Variants in SARDH observed in about 807,000 individuals in gnomAD.
SARDH encodes sarcosine dehydrogenase, mitochondrial.
A neutral mutation model predicts 109.1 loss-of-function variants in SARDH; 95 were observed. The observed-to-expected ratio is 0.87, with a 90% CI of 0.74 to 1.03. The LOEUF (loss-of-function observed/expected upper bound fraction) is 1.03, where lower values mean the gene tolerates loss of function less well. Among genes scored for constraint, SARDH ranks in the 50% least tolerant of loss-of-function variants. SARDH has a pLI of 0.00. For synonymous variants in SARDH, 572 were observed against 534.8 expected (o/e 1.07, Z -0.96); for missense variants, 1,267 against 1,287.8 (o/e 0.98, Z 0.25).
chr9:133,673,011 G>A (rs1325987535), intron 17 of SARDH, among the ~76,000 whole-genome samples: 2 of 152,230 alleles, frequency 1.3e-5, no homozygotes, highest in Admixed American at 6.5e-5. Flanking sequence ...CCCTTGCAAC[G>A]GTGGGAACAC....
downstream of SARDH, chr9:133,663,525 C>A (rs1260013098): frequency 2.0e-5 from 6 of 292,880 alleles, no homozygotes; most frequent in Non-Finnish European, 3.8e-5. Flanking sequence ...ATCAGTCAAG[C>A]CTGGAGTAAA....
chr9:133,702,608 G>A (rs539440974), intron 13 of SARDH, among the ~76,000 whole-genome samples: 9 of 152,322 alleles, frequency 5.9e-5, no homozygotes, highest in African/African-American at 2.2e-4. Flanking sequence ...GGGAGGCGGA[G>A]GCTCAGAGCG....
chr9:133,725,567 A>T, intron 6 of SARDH: 1 of 422,570 alleles, frequency 2.4e-6, no homozygotes, highest in Non-Finnish European at 4.8e-6. Flanking sequence ...TCCCAGCTAC[A>T]TGGGAGGCTG....
In SARDH at chr9:133,671,671, C is replaced by T. The variant is rs2519123; in HGVS notation, c.2190G>A (p.Val730=). 1.3e-6 allele frequency: 2 copies of T among 1,583,718 alleles called. No homozygotes were observed. The highest frequency in any genetic ancestry group is 1.1e-5 in the South Asian group (1 of 87,152). The stretch of plus-strand genomic sequence containing the variant: ...TGTGCAGCTCCCAGCCCAGCTCCCC[C>T]ACAAAGGACAGCCGCATGGCTCGGA... ...HLVRAMRLSF[V]GELGWELHIP... Residue 730 remains valine, a synonymous_variant, in exon 18 of 21, where the codon GTG becomes GTA. Transcript: ENST00000439388.
intron 19 of SARDH, among the ~76,000 whole-genome samples, chr9:133,669,486 G>A (rs552812086): frequency 2.0e-5 from 3 of 151,354 alleles, no homozygotes; most frequent in South Asian, 2.1e-4. Flanking sequence ...TCAGACCCCC[G>A]TGGGCACCAC....
Position 133,712,164 on chromosome 9 carries a change from A to G in SARDH, c.1328+455T>C, listed in dbSNP as rs1219026927. ...CCCTCCCCATCACCCTGCATTAGAG[A>G]CGAGGAAGTGGCTTGCACTGGGTCT... On this transcript the variant is annotated intron_variant, in intron 10 of 20. Transcript: ENST00000439388. This position sits in a 1 kb window ranked among gnomAD's most constrained non-coding sequence, Gnocchi z 4.1. 2.6e-5 allele frequency among the ~76,000 whole-genome samples: 4 copies of G among 152,136 alleles called. No homozygotes were observed. Among genetic ancestry groups the G allele is most frequent in the African/African-American group, 9.7e-5 (4 of 41,434 alleles).
At chr9:133,717,683 C>T (rs1832179735) in intron 7 of SARDH, among the ~76,000 whole-genome samples, 1 of 152,152 alleles carries the variant, frequency 6.6e-6, no homozygotes, top group Admixed American at 6.5e-5. Context: ...CCACCCACTC[C>T]CCTAGATCCC....
At chr9:133,708,713 T>C (rs1336445776) in intron 10 of SARDH, among the ~76,000 whole-genome samples, 2 of 152,062 alleles carry the variant, frequency 1.3e-5, no homozygotes, top group African/African-American at 2.4e-5. Flanking sequence ...CCAGCCTCGC[T>C]CTCCACACAT....
chr9:133,734,413 T>C (rs1431729374), intron 1 of SARDH, among the ~76,000 whole-genome samples: 1 of 50,592 alleles, frequency 2.0e-5, no homozygotes, highest in East Asian at 5.6e-4. Context: ...ATTCACTCAT[T>C]CATTCATTCA....
Position 133,736,288 on chromosome 9 carries a change from C to T in SARDH, c.-31+1966G>A, listed in dbSNP as rs138996167. 8.1e-3 allele frequency among the ~76,000 whole-genome samples: 1,241 copies of T among 152,372 alleles called. 15 individuals carry two copies. Among genetic ancestry groups the T allele is most frequent in the African/African-American group, 0.028 (1,147 of 41,584 alleles). The stretch of plus-strand genomic sequence containing the variant: ...CTCTCTCTCCCAGGGTGCATCCGCA[C>T]CTAACTTTCAAAATGTTCTTTTTCT... On this transcript the variant is annotated intron_variant, in intron 1 of 20. Transcript: ENST00000439388.
chr9:133,703,257 C>T (rs1831561035), intron 12 of SARDH: 2 of 552,378 alleles, frequency 3.6e-6, no homozygotes, highest in East Asian at 3.0e-5. Flanking sequence ...GTCTGAGAGC[C>T]CAGCCAGGGC....
intron 10 of SARDH, 124 bp from the exon 11 acceptor site, chr9:133,708,552 T>C: frequency 1.6e-6 from 2 of 1,280,208 alleles, no homozygotes; most frequent in Non-Finnish European, 1.1e-6. Context: ...TGGCTCAGCA[T>C]TGAGCGGGCC....
intron 15 of SARDH, among the ~76,000 whole-genome samples, chr9:133,690,828 C>T (rs1303336281): frequency 6.6e-6 from 1 of 152,198 alleles, no homozygotes; most frequent in Non-Finnish European, 1.5e-5. Context: ...TGGGAACACA[C>T]AGGCCTAGGC....
At chr9:133,734,384 T>C (rs1034029963) in intron 1 of SARDH, among the ~76,000 whole-genome samples, 181 bp from the exon 2 acceptor site, 116 of 147,130 alleles carry the variant, frequency 7.9e-4, no homozygotes, top group African/African-American at 3.1e-3. Context: ...CATTCACTCA[T>C]TCATTCATTC....
Position 133,709,766 on chromosome 9 carries a change from C to T in SARDH, c.1329-1338G>A, listed in dbSNP as rs1478461891. On this transcript the variant is annotated intron_variant, in intron 10 of 20. Transcript: ENST00000439388. This position sits in a 1 kb window ranked among gnomAD's most constrained non-coding sequence, Gnocchi z 4.2. ...CCCTCTCTCTTTGTCCCCAGAGCTGCCTTCTGCATGGGACCCAAGATTAAC... is the reference window on the plus strand; with the variant it reads ...CCCTCTCTCTTTGTCCCCAGAGCTGTCTTCTGCATGGGACCCAAGATTAAC... 6.6e-6 allele frequency among the ~76,000 whole-genome samples: 1 copy of T among 152,144 alleles called. No individual in the cohort carries two copies. Among genetic ancestry groups the T allele is most frequent in the Non-Finnish European group, 1.5e-5 (1 of 68,032 alleles).
intron 6 of SARDH, among the ~76,000 whole-genome samples, chr9:133,729,558 C>T (rs989647477): frequency 6.6e-6 from 1 of 152,188 alleles, no homozygotes; most frequent in Admixed American, 6.5e-5. Context: ...TCAGCCCCAA[C>T]AGGGATACGC....
chr9:133,691,615 G>A (rs1232556749), intron 15 of SARDH, among the ~76,000 whole-genome samples: 2 of 152,166 alleles, frequency 1.3e-5, no homozygotes, highest in African/African-American at 4.8e-5. Context: ...GATCAATAAA[G>A]ACCATTTAAA....
intron 15 of SARDH, among the ~76,000 whole-genome samples, chr9:133,691,206 A>ACACACACG (rs1554750443): frequency 2.8e-4 from 41 of 148,058 alleles, no homozygotes; most frequent in African/African-American, 1.0e-3. Context: ...ACACACACAC[A>ACACACACG]CACACACACG....
chr9:133,667,487 C>T (rs80350133), intron 19 of SARDH, among the ~76,000 whole-genome samples: 2,283 of 151,218 alleles, frequency 0.015, 72 homozygotes, highest in African/African-American at 0.052. Context: ...TTTTATAGTA[C>T]AATACATACT....
Sources: allele counts gnomAD v4.1 joint callset (sites outside exome capture counted in the v4.1 genomes callset), GRCh38; gene constraint gnomAD v4.1.1; non-coding constraint Gnocchi (gnomAD v3.1); transcripts MANE v1.5; gene names NCBI Gene and HGNC (gene_info 2026-07-23, HGNC 2026-07-21).